The following KIF26B variants were observed in gnomAD, a reference collection of about 807,000 sequenced individuals.
The protein encoded by KIF26B is kinesin family member 26B.
A neutral mutation model predicts 151.2 loss-of-function variants in KIF26B; 63 were observed. That is an observed-to-expected ratio of 0.42 (90% CI 0.34 to 0.51). KIF26B has a LOEUF of 0.51. KIF26B is among the 20% of genes least tolerant of loss of function. The pLI is 0.07. For missense variants in KIF26B, 2,813 were observed against 2,913.6 expected, an observed-to-expected ratio of 0.97 and a Z score of 0.79; for synonymous variants, 1,357 against 1,262.1, an observed-to-expected ratio of 1.08 and a Z score of -1.59.
rs367951945 is a variant in KIF26B at position 245,364,593 on chromosome 1, T to G, written c.466-2241T>G. On this transcript the variant is annotated intron_variant, in intron 2 of 14. Transcript: ENST00000407071. ...CCGCCACCACGCCCAGCTAATTTTT[T>G]TGTATTTTAGTACAGATGGTGTTTC... Among the ~76,000 whole-genome samples the G allele has an allele frequency of 3.9e-5, 6 of 152,014 alleles. No homozygotes were observed. In the East Asian group the frequency reaches 9.7e-4, roughly 25 times the overall value.
chr1:245,235,301 AGACATAC>A (rs1670084352), intron 2 of KIF26B, among the ~76,000 whole-genome samples: 1 of 152,144 alleles, frequency 6.6e-6, no homozygotes, highest in Admixed American at 6.6e-5. Flanking sequence ...ATTTCCGTTA[AGACATAC>A]GGGTTGGGTG....
chr1:245,187,625 A>G (rs1669022480), intron 2 of KIF26B, among the ~76,000 whole-genome samples: 1 of 152,238 alleles, frequency 6.6e-6, no homozygotes, highest in African/African-American at 2.4e-5. Flanking sequence ...TTGTCTTGAC[A>G]GAAGTCTCAG....
chr1:245,539,735 C>G (rs1031163551), intron 4 of KIF26B, among the ~76,000 whole-genome samples: 3 of 152,192 alleles, frequency 2.0e-5, no homozygotes, highest in Admixed American at 2.0e-4. Context: ...TCACTGCAAC[C>G]TCCGCCTCCT....
At chr1:245,325,832 G>A (rs1013048411) in intron 2 of KIF26B, among the ~76,000 whole-genome samples, 3 of 152,178 alleles carry the variant, frequency 2.0e-5, no homozygotes, top group Non-Finnish European at 4.4e-5. Context: ...AGCGTGTGTG[G>A]CGGAGGGGGG....
At chr1:245,636,244 T>C (rs2043832597) in intron 9 of KIF26B, among the ~76,000 whole-genome samples, 1 of 152,160 alleles carries the variant, frequency 6.6e-6, no homozygotes, top group Non-Finnish European at 1.5e-5. Flanking sequence ...CTTGTCTGTT[T>C]CTTCATGCAG....
intron 2 of KIF26B, among the ~76,000 whole-genome samples, chr1:245,353,123 T>G (rs528924280): frequency 2.6e-5 from 4 of 152,316 alleles, no homozygotes; most frequent in African/African-American, 9.6e-5. Context: ...TTTTAAAATG[T>G]GAGGACAAAT....
Position 245,609,343 on chromosome 1 carries a change from T to C in KIF26B, c.1729T>C (p.Phe577Leu). 6.2e-7 allele frequency: 1 copy of C among 1,611,158 alleles called. No homozygotes were observed. Among genetic ancestry groups the C allele is most frequent in the Non-Finnish European group, 8.5e-7 (1 of 1,178,766 alleles). ...CATTCCCTGTGCCATCTCTTGGCTC[T>C]TCAAGCTCATAAACGAACGCAAGGA... Reference protein sequence around the residue: ...GIIPCAISWLFKLINERKEKT... With the variant: ...GIIPCAISWLLKLINERKEKT... The change falls in exon 8 of 15, where the codon TTC becomes CTC. Residue 577 changes from phenylalanine (F) to leucine (L), a missense_variant. Physicochemically the swap from Phe to Leu is conservative, Grantham distance 22. Coordinates refer to ENST00000407071, the MANE Select transcript of KIF26B (RefSeq NM_018012.4).
Position 245,684,258 on chromosome 1 carries a change from C to T in KIF26B, c.2284C>T (p.Arg762Trp), listed in dbSNP as rs1428183682. ...YKESKLAMLLRESLGNMNCRT... is the reference protein window; with the variant it reads ...YKESKLAMLLWESLGNMNCRT... ...AGAGAGCAAGCTCGCCATGTTGCTG[C>T]GGGAGTCTCTGGGGAACATGAACTG... The change falls in exon 11 of 15, where the codon CGG (arginine) becomes TGG (tryptophan). Residue 762 changes from arginine to tryptophan, a missense_variant. Transcript: ENST00000407071. 6 of 1,613,520 alleles carry T rather than the reference C, an allele frequency of 3.7e-6. No homozygotes were observed. The highest frequency in any genetic ancestry group is 1.1e-5 in the South Asian group (1 of 91,058).
intron 2 of KIF26B, among the ~76,000 whole-genome samples, chr1:245,261,467 TTCTCTCTCTCTC>T (rs376897211): frequency 0.34 from 38,247 of 111,506 alleles, 6,427 homozygotes; most frequent in East Asian, 0.53. Context: ...TTTTCTTTCT[TTCTCTCTCTCTC>T]TCTCTCTCTC....
chr1:245,540,642 C>T lies in KIF26B; in HGVS notation c.1167-125C>T. On this transcript the variant is annotated intron_variant, in intron 4 of 14. Transcript: ENST00000407071. This position sits in a 1 kb window ranked among gnomAD's most constrained non-coding sequence, Gnocchi z 4.6. ...AGGGACTGCTACAGAGGACACTGAG[C>T]AGGAGGAGAGAAGGAATGATTAGGC... The T allele has an allele frequency of 2.3e-6, 2 of 855,210 alleles. No homozygotes were observed. Among genetic ancestry groups the T allele is most frequent in the Non-Finnish European group, 2.0e-6 (1 of 488,876 alleles). The allele number at this position is 855,210 out of a possible 1,614,324, so 53.0% of individuals were successfully genotyped here.
intron 5 of KIF26B, among the ~76,000 whole-genome samples, chr1:245,554,396 A>G (rs1621632): frequency 0.8 from 122,351 of 152,172 alleles, 49,437 homozygotes; most frequent in African/African-American, 0.88. Flanking sequence ...TCATTTACCC[A>G]TCACCTCTTA....
At chr1:245,435,053 CTCCATCCATCCATCCA>C (rs60351520) in intron 4 of KIF26B, among the ~76,000 whole-genome samples, 281 of 132,546 alleles carry the variant, frequency 2.1e-3, no homozygotes, top group African/African-American at 7.6e-3. Context: ...CCATCCATCT[CTCCATCCATCCATCCA>C]TCCATCCATC....
intron 2 of KIF26B, among the ~76,000 whole-genome samples, chr1:245,306,570 A>G (rs1485729625): frequency 6.6e-6 from 1 of 152,180 alleles, no homozygotes; most frequent in Non-Finnish European, 1.5e-5. Context: ...TGTGCTCTAA[A>G]ATGTATCCAC....
chr1:245,274,374 A>G (rs935186314), intron 2 of KIF26B, among the ~76,000 whole-genome samples: 1 of 150,758 alleles, frequency 6.6e-6, no homozygotes, highest in African/African-American at 2.4e-5. Context: ...TCCCTCCCCT[A>G]GCCCCCCACC....
chr1:245,655,484 G>C (rs2044063460), intron 10 of KIF26B, among the ~76,000 whole-genome samples: 1 of 152,208 alleles, frequency 6.6e-6, no homozygotes, highest in Non-Finnish European at 1.5e-5. Context: ...ATGAGAGTTT[G>C]TGTGCCTAAC....
intron 2 of KIF26B, among the ~76,000 whole-genome samples, chr1:245,312,219 G>A (rs940741527): frequency 6.6e-6 from 1 of 152,142 alleles, no homozygotes; most frequent in Non-Finnish European, 1.5e-5. Flanking sequence ...TAGACACCCA[G>A]CTTCTGATTA....
At chr1:245,623,424 A>G (rs2043687142) in intron 9 of KIF26B, among the ~76,000 whole-genome samples, 2 of 152,156 alleles carry the variant, frequency 1.3e-5, no homozygotes, top group South Asian at 4.1e-4. Context: ...AATAGTTCAT[A>G]TATTTATATT....
intron 5 of KIF26B, among the ~76,000 whole-genome samples, chr1:245,559,458 G>A (rs2042914948): frequency 6.6e-6 from 1 of 151,904 alleles, no homozygotes; most frequent in Non-Finnish European, 1.5e-5. Flanking sequence ...TGTCGCCCAC[G>A]TTGGTGTGCA....
Position 245,611,895 on chromosome 1 carries a change from G to T in KIF26B, c.2017G>T (p.Glu673Ter). The change falls in exon 9 of 15, where the codon GAG (glutamate) becomes TAG (stop). Residue 673 changes from glutamate (E) to a stop codon, truncating the protein, a stop_gained. Transcript: ENST00000407071. LOFTEE classifies it high-confidence loss of function. ...CAGGAGCCACCAACAGGACTGTGATGAGGACGACCACCGCAACTCACACGT... is the reference window on the plus strand; with the variant it reads ...CAGGAGCCACCAACAGGACTGTGATTAGGACGACCACCGCAACTCACACGT... ...SRRSHQQDCD[E>*]DDHRNSHVFF... is the part of the protein sequence containing the mutation. 1 of 1,613,368 alleles carries T rather than the reference G, an allele frequency of 6.2e-7. No homozygotes were observed. The highest frequency in any genetic ancestry group is 8.5e-7 in the Non-Finnish European group (1 of 1,179,760).
Sources: gnomAD v4.1 joint callset for allele counts (sites outside exome capture counted in the v4.1 genomes callset) on GRCh38, gnomAD v4.1.1 for gene constraint, Gnocchi (gnomAD v3.1) non-coding constraint, MANE v1.5 for transcripts, NCBI Gene and HGNC (gene_info 2026-07-23, HGNC 2026-07-21) for gene names.